The following MACROD2 variants were observed in gnomAD, a reference collection of about 807,000 sequenced individuals.
The protein encoded by MACROD2 is ADP-ribose glycohydrolase MACROD2.
A neutral mutation model predicts 70.4 loss-of-function variants in MACROD2; 36 were observed. That is an observed-to-expected ratio of 0.51 (90% CI 0.39 to 0.68). The LOEUF (loss-of-function observed/expected upper bound fraction) is 0.68. Ranked by LOEUF, MACROD2 falls within the 30% of genes least tolerant of loss-of-function variation. MACROD2 has a pLI of 0.00. For synonymous variants in MACROD2, 172 were observed against 178.8 expected (o/e 0.96, Z 0.30); for missense variants, 496 against 538.4 (o/e 0.92, Z 0.78).
Position 16,044,552 on chromosome 20 carries a change from T to A in MACROD2, c.1232-19T>A. 1 of 1,608,224 alleles carries A rather than the reference T, an allele frequency of 6.2e-7. No homozygotes were observed. On this transcript the variant is annotated intron_variant, in intron 16 of 17. Coordinates refer to ENST00000684519, the MANE Select transcript of MACROD2 (RefSeq NM_001351661.2). ...TAGGTTTAATGAATATTTAACTTTT[T>A]TTTTTTTTCTGGTGACAGTTGAAAT...
At chr20:14,672,934 T>G (rs2070812326) in intron 4 of MACROD2, among the ~76,000 whole-genome samples, 1 of 152,238 alleles carries the variant, frequency 6.6e-6, no homozygotes, top group African/African-American at 2.4e-5. Context: ...AAATTATAAA[T>G]ATCAACTAAA....
chr20:14,320,474 A>G (rs1304027048), intron 3 of MACROD2, among the ~76,000 whole-genome samples: 2 of 152,138 alleles, frequency 1.3e-5, no homozygotes, highest in Non-Finnish European at 2.9e-5. Flanking sequence ...TACCTGCTTA[A>G]GAGTCATTGC....
intron 6 of MACROD2, among the ~76,000 whole-genome samples, chr20:15,336,375 A>C (rs1191514622): frequency 5.6e-5 from 7 of 125,528 alleles, no homozygotes; most frequent in African/African-American, 2.1e-4. Context: ...TGTTTTAACC[A>C]AAAAAAAAAA....
chr20:14,767,156 C>T (rs1426765654), intron 5 of MACROD2, among the ~76,000 whole-genome samples: 1 of 151,994 alleles, frequency 6.6e-6, no homozygotes, highest in Non-Finnish European at 1.5e-5. Flanking sequence ...TAACAAGATC[C>T]CATCTGTACC....
chr20:14,026,481 C>T (rs896747251), intron 2 of MACROD2, among the ~76,000 whole-genome samples: 3 of 152,026 alleles, frequency 2.0e-5, no homozygotes, highest in South Asian at 4.1e-4. Context: ...TGGTTGGTAC[C>T]GGTTTTTCCT....
chr20:14,251,062 T>A lies in MACROD2; in HGVS notation c.271+165334T>A, dbSNP rs572942401. Among the ~76,000 whole-genome samples the A allele has an allele frequency of 2.8e-4, 42 of 152,270 alleles. 1 individual carries two copies. The highest frequency in any genetic ancestry group is 6.5e-4 in the Admixed American group (10 of 15,278). ...CAGATTTTGAAATCTAAACATATTT[T>A]TATTGCTGGCACTTCTAGATTCATA... On this transcript the variant is annotated intron_variant, in intron 3 of 17. Coordinates refer to ENST00000684519, the MANE Select transcript of MACROD2 (RefSeq NM_001351661.2).
chr20:14,702,753 GT>G (rs2071222396), intron 5 of MACROD2, among the ~76,000 whole-genome samples: 1 of 148,250 alleles, frequency 6.7e-6, no homozygotes, highest in African/African-American at 2.5e-5. Flanking sequence ...TTGAGACGGA[GT>G]TTTTCTCTTG....
At chr20:14,415,224 T>A (rs1209206874) in intron 3 of MACROD2, among the ~76,000 whole-genome samples, 1 of 152,220 alleles carries the variant, frequency 6.6e-6, no homozygotes, top group African/African-American at 2.4e-5. Context: ...GTAAAAATTT[T>A]ATACCAGCGT....
At chr20:14,880,084 G>T (rs1165865897) in intron 5 of MACROD2, among the ~76,000 whole-genome samples, 2 of 152,082 alleles carry the variant, frequency 1.3e-5, no homozygotes, top group African/African-American at 4.8e-5. Context: ...CAGAACAATG[G>T]ATCTCAGCAA....
intron 8 of MACROD2, among the ~76,000 whole-genome samples, chr20:15,603,646 G>A (rs373967338): frequency 1.3e-5 from 2 of 152,138 alleles, no homozygotes; most frequent in East Asian, 1.9e-4. Context: ...CAGGAGCCAT[G>A]GGCTTTTTCA....
chr20:14,207,648 C>A (rs78293113), intron 3 of MACROD2, among the ~76,000 whole-genome samples: 1 of 152,118 alleles, frequency 6.6e-6, no homozygotes, highest in Non-Finnish European at 1.5e-5. Flanking sequence ...GAAAGCTATT[C>A]GGTTATGAGG....
intron 8 of MACROD2, among the ~76,000 whole-genome samples, chr20:15,741,888 A>G (rs1445970927): frequency 6.6e-6 from 1 of 152,214 alleles, no homozygotes; most frequent in Non-Finnish European, 1.5e-5. Flanking sequence ...TACTAGTTAA[A>G]TGAATGAATG....
intron 6 of MACROD2, among the ~76,000 whole-genome samples, chr20:15,351,689 C>T (rs1025185365): frequency 7.9e-5 from 12 of 152,176 alleles, no homozygotes; most frequent in African/African-American, 2.7e-4. Context: ...TTGGGGACCC[C>T]TCTTCCCAAA....
chr20:15,625,927 A>G (rs1420445982), intron 8 of MACROD2, among the ~76,000 whole-genome samples: 5 of 147,366 alleles, frequency 3.4e-5, no homozygotes, highest in Admixed American at 2.0e-4. Flanking sequence ...AAAAAAAAAA[A>G]AGACATATCT....
rs11087089 is a variant in MACROD2 at position 14,413,195 on chromosome 20, G to GTT, written c.272-80274_272-80273dup. Reference sequence around the variant, plus strand: ...TTTAGAACCTGTGCTCTTTACCACTGTTTTTTTTTTTGTCTCCTTAAATAT... The same window carrying GTT: ...TTTAGAACCTGTGCTCTTTACCACTGTTTTTTTTTTTTTGTCTCCTTAAATAT... On this transcript the variant is annotated intron_variant, in intron 3 of 17. Coordinates refer to ENST00000684519, the MANE Select transcript of MACROD2 (RefSeq NM_001351661.2). 9.4e-3 allele frequency among the ~76,000 whole-genome samples: 1,359 copies of GTT among 145,178 alleles called. 9 individuals are homozygous for GTT. Among genetic ancestry groups the GTT allele is most frequent in the African/African-American group, 0.019 (777 of 40,022 alleles).
At chr20:14,697,934 G>A (rs1035759216) in intron 5 of MACROD2, among the ~76,000 whole-genome samples, 1 of 152,164 alleles carries the variant, frequency 6.6e-6, no homozygotes, top group Non-Finnish European at 1.5e-5. Flanking sequence ...TGTACACTTT[G>A]CATCTCACAA....
intron 5 of MACROD2, among the ~76,000 whole-genome samples, chr20:15,068,808 CAG>C (rs889157069): frequency 2.2e-4 from 33 of 152,218 alleles, no homozygotes; most frequent in Admixed American, 2.0e-3. Context: ...TGGACTGACA[CAG>C]AAAATTGTTA....
intron 3 of MACROD2, among the ~76,000 whole-genome samples, chr20:14,306,967 T>C (rs528016632): frequency 2.6e-5 from 4 of 151,170 alleles, no homozygotes; most frequent in Non-Finnish European, 5.9e-5. Context: ...AGCTAGAACA[T>C]AGGTATTCTA....
intron 5 of MACROD2, among the ~76,000 whole-genome samples, chr20:14,831,017 G>A (rs2072959219): frequency 6.6e-6 from 1 of 152,026 alleles, no homozygotes; most frequent in African/African-American, 2.4e-5. Flanking sequence ...TACTGTTTCT[G>A]CACATTTCCC....
Sources: allele counts gnomAD v4.1 joint callset (sites outside exome capture counted in the v4.1 genomes callset), GRCh38; gene constraint gnomAD v4.1.1; transcripts MANE v1.5; gene names NCBI Gene and HGNC (gene_info 2026-07-23, HGNC 2026-07-21).